SMIM35: variants seen among roughly 807,000 people sequenced by gnomAD.
SMIM35 encodes small integral membrane protein 35.
rs1340441645 is a variant in SMIM35, at chr11:118,030,353, G to A, written c.8-14544C>T. Among the ~76,000 whole-genome samples, 3 of 152,050 alleles carry A rather than the reference G, an allele frequency of 2.0e-5. 1 individual carries two copies. Among genetic ancestry groups the A allele is most frequent in the Non-Finnish European group, 4.4e-5 (3 of 68,032 alleles). On this transcript the variant is annotated intron_variant, in intron 1 of 4. Coordinates refer to ENST00000689828, the MANE Select transcript of SMIM35 (RefSeq NM_001394165.1). ...CCCAACTTGCAACATAATTTATGTT[G>A]GGCTCAGGCTTCTTCACAGAAACGT...
chr11:118,013,773 T>C lies in SMIM35; in HGVS notation c.*8A>G, dbSNP rs2058162061. 1.0e-5 allele frequency: 4 copies of C among 399,168 alleles called. No homozygotes were observed. 24.7% of individuals were successfully genotyped at this position (399,168 alleles called of 1,614,324 possible). Reference sequence around the variant, plus strand: ...CTCCCCAGGGCTTCACAAGTTGCTGTCTCTGCATCAGACTAGCCCGTTGGA... The same window carrying C: ...CTCCCCAGGGCTTCACAAGTTGCTGCCTCTGCATCAGACTAGCCCGTTGGA... On this transcript the variant is annotated 3_prime_UTR_variant, in exon 4 of 5. Transcript: ENST00000689828.
intron 1 of SMIM35, among the ~76,000 whole-genome samples, chr11:118,030,281 C>T (rs866155982): frequency 3.9e-4 from 60 of 152,086 alleles, no homozygotes; most frequent in Non-Finnish European, 2.8e-4. Context: ...GTGATCCACC[C>T]GCCTCAGCCA....
intron 1 of SMIM35, chr11:118,025,476 T>C (rs2135044624): frequency 2.2e-6 from 1 of 455,528 alleles, no homozygotes; most frequent in African/African-American, 2.0e-5. Context: ...TTCTTAATAG[T>C]AGCTTTCCTT....
chr11:118,074,389 G>A (rs3758990), intron 1 of SMIM35, among the ~76,000 whole-genome samples: 1 of 152,302 alleles, frequency 6.6e-6, no homozygotes, highest in East Asian at 1.9e-4. Flanking sequence ...TAAAGAGATG[G>A]ATGGGCAAGA....
At chr11:118,072,005 G>A (rs1944578527) in intron 1 of SMIM35, among the ~76,000 whole-genome samples, 3 of 152,236 alleles carry the variant, frequency 2.0e-5, no homozygotes, top group Non-Finnish European at 4.4e-5. Flanking sequence ...GGGAAGGGCA[G>A]TATATGGGCA....
At position 118,033,677 on chromosome 11, in the gene SMIM35, C is replaced by T. The variant is rs143739152; in HGVS notation, c.8-17868G>A. On this transcript the variant is annotated intron_variant, in intron 1 of 4. Transcript: ENST00000689828. ...CCGAAAGAAAAGTGCCTCCCTCCCT[C>T]GGGGGCACTTCAAGATGACAGTTTC... Among the ~76,000 whole-genome samples, 56 of 152,266 alleles carry T rather than the reference C, an allele frequency of 3.7e-4. 1 individual carries two copies. The East Asian group carries it at 0.01, about 28-fold the overall frequency.
chr11:118,042,710 C>T (rs1019458267), intron 1 of SMIM35, among the ~76,000 whole-genome samples: 1 of 152,146 alleles, frequency 6.6e-6, no homozygotes, highest in Non-Finnish European at 1.5e-5. Flanking sequence ...AAATCCTCAA[C>T]AATTAGGAAT....
intron 1 of SMIM35, among the ~76,000 whole-genome samples, chr11:118,021,660 A>C (rs1408939568): frequency 1.3e-5 from 2 of 152,212 alleles, no homozygotes; most frequent in Non-Finnish European, 2.9e-5. Context: ...GATATCAGAC[A>C]AAAACGATTT....
intron 1 of SMIM35, among the ~76,000 whole-genome samples, chr11:118,072,035 G>C (rs1028313899): frequency 1.3e-5 from 2 of 152,190 alleles, no homozygotes; most frequent in African/African-American, 2.4e-5. Flanking sequence ...CTTCAAGGCA[G>C]GAGATATTTT....
chr11:118,059,930 C>T (rs1173160078), intron 1 of SMIM35, among the ~76,000 whole-genome samples: 1 of 152,202 alleles, frequency 6.6e-6, no homozygotes, highest in Non-Finnish European at 1.5e-5. Context: ...AGTACCAAAG[C>T]AAGCTAGGAA....
chr11:118,079,112 A>T (rs1044224437), intron 1 of SMIM35, among the ~76,000 whole-genome samples: 1 of 152,050 alleles, frequency 6.6e-6, no homozygotes, highest in African/African-American at 2.4e-5. Context: ...TGGGGCCCCA[A>T]AGGCAAGGCA....
chr11:118,064,394 TC>T lies in SMIM35; in HGVS notation c.7+22356del, dbSNP rs201705594. Among the ~76,000 whole-genome samples the T allele has an allele frequency of 6.0e-3, 918 of 152,330 alleles. 6 individuals are homozygous for T. Among genetic ancestry groups the T allele is most frequent in the African/African-American group, 0.021 (886 of 41,572 alleles). ...TGGACCCCAAGGTCCCACCGGAGGT[TC>T]AGGTTGGCGGTTCTGGGTGTCATCC... On this transcript the variant is annotated intron_variant, in intron 1 of 4. Coordinates refer to ENST00000689828, the MANE Select transcript of SMIM35 (RefSeq NM_001394165.1).
At chr11:118,065,835 T>G (rs1318186773) in intron 1 of SMIM35, among the ~76,000 whole-genome samples, 2 of 152,222 alleles carry the variant, frequency 1.3e-5, no homozygotes, top group Non-Finnish European at 2.9e-5. Context: ...TCTTGCTTTG[T>G]GCGTTTTGTC....
chr11:118,083,347 C>T (rs1478051955), intron 1 of SMIM35, among the ~76,000 whole-genome samples: 3 of 152,238 alleles, frequency 2.0e-5, no homozygotes. Flanking sequence ...GTTCCACCCT[C>T]TCTTCCGAGA....
chr11:118,082,530 C>T (rs1945221894), intron 1 of SMIM35, among the ~76,000 whole-genome samples: 2 of 151,284 alleles, frequency 1.3e-5, no homozygotes, highest in South Asian at 4.2e-4. Context: ...CACTGCACTC[C>T]AGCCTGGGCA....
intron 1 of SMIM35, among the ~76,000 whole-genome samples, chr11:118,033,075 A>G (rs886328917): frequency 6.6e-6 from 1 of 152,216 alleles, no homozygotes; most frequent in African/African-American, 2.4e-5. Context: ...TAAGGCAAAA[A>G]GTGAATAAGG....
chr11:118,036,281 T>G (rs1414953150), intron 1 of SMIM35, among the ~76,000 whole-genome samples: 1 of 152,238 alleles, frequency 6.6e-6, no homozygotes, highest in Non-Finnish European at 1.5e-5. Context: ...AGAACTCTGA[T>G]GAGGAAATGC....
intron 1 of SMIM35, among the ~76,000 whole-genome samples, chr11:118,054,720 T>C (rs891238602): frequency 3.9e-5 from 6 of 152,186 alleles, no homozygotes; most frequent in Non-Finnish European, 8.8e-5. Flanking sequence ...TTTTTATATG[T>C]TTCCAATATA....
At chr11:118,020,898 G>A (rs1300589481) in intron 1 of SMIM35, among the ~76,000 whole-genome samples, 1 of 152,052 alleles carries the variant, frequency 6.6e-6, no homozygotes, top group Non-Finnish European at 1.5e-5. Flanking sequence ...TTACCCCTAA[G>A]CATCACTTTA....
Sources: allele counts gnomAD v4.1 joint callset (sites outside exome capture counted in the v4.1 genomes callset), GRCh38; gene constraint gnomAD v4.1.1; transcripts MANE v1.5; gene names NCBI Gene and HGNC (gene_info 2026-07-23, HGNC 2026-07-21).